Variants in NRIP1 observed in about 807,000 individuals in gnomAD.
The protein encoded by NRIP1 is nuclear receptor-interacting protein 1.
In NRIP1, 28 loss-of-function variants were observed where a neutral mutation model predicts 75.0. The ratio of observed to expected loss-of-function variants is 0.37; its 90% CI spans 0.28 to 0.51. NRIP1 has a LOEUF of 0.51. NRIP1 is among the 20% of genes least tolerant of loss of function. NRIP1 has a pLI of 0.92. For missense variants in NRIP1, 1,435 were observed against 1,343.7 expected (o/e 1.07, Z -1.06); for synonymous variants, 526 against 487.6 (o/e 1.08, Z -1.04).
At chr21:15,000,062 T>C (rs996781560) in intron 3 of NRIP1, among the ~76,000 whole-genome samples, 1 of 152,112 alleles carries the variant, frequency 6.6e-6, no homozygotes, top group Non-Finnish European at 1.5e-5. Context: ...GGGGAAAGAA[T>C]AGAGGCAATT....
intron 1 of NRIP1, among the ~76,000 whole-genome samples, chr21:15,058,017 A>G (rs1209305791): frequency 6.6e-6 from 1 of 152,200 alleles, no homozygotes; most frequent in East Asian, 1.9e-4. Flanking sequence ...TCTTCTTTTA[A>G]AACCACAGGC....
intron 1 of NRIP1, among the ~76,000 whole-genome samples, chr21:15,049,765 A>G (rs2089163329): frequency 6.6e-6 from 1 of 151,878 alleles, no homozygotes; most frequent in Non-Finnish European, 1.5e-5. Context: ...TGATTTAATG[A>G]AAAAAAAGCT....
At chr21:15,012,959 C>T (rs772763468) in intron 3 of NRIP1, among the ~76,000 whole-genome samples, 2 of 151,892 alleles carry the variant, frequency 1.3e-5, no homozygotes, top group East Asian at 1.9e-4. Context: ...TATCTTGTGG[C>T]GGGGCGGTCA....
chr21:14,975,308 C>T (rs1298784194), intron 3 of NRIP1, among the ~76,000 whole-genome samples: 1 of 152,078 alleles, frequency 6.6e-6, no homozygotes, highest in African/African-American at 2.4e-5. Flanking sequence ...CAACTTTCCT[C>T]TTTGACATTA....
chr21:15,054,123 T>G (rs952983340), intron 1 of NRIP1, among the ~76,000 whole-genome samples: 10 of 152,220 alleles, frequency 6.6e-5, no homozygotes, highest in African/African-American at 2.4e-4. Flanking sequence ...AAAACATAGA[T>G]GGGCTTCATA....
At chr21:14,983,762 C>T (rs905827216) in intron 3 of NRIP1, among the ~76,000 whole-genome samples, 1 of 152,086 alleles carries the variant, frequency 6.6e-6, no homozygotes. Flanking sequence ...AATCCTAAAC[C>T]CTTAAAAATG....
chr21:15,005,737 T>A (rs372370950), intron 3 of NRIP1, among the ~76,000 whole-genome samples: 1 of 152,150 alleles, frequency 6.6e-6, no homozygotes, highest in Non-Finnish European at 1.5e-5. Context: ...CCAAGCAGAA[T>A]AGAACAAACC....
At chr21:14,988,470 T>G (rs182195180) in intron 3 of NRIP1, among the ~76,000 whole-genome samples, 1 of 148,278 alleles carries the variant, frequency 6.7e-6, no homozygotes, top group African/African-American at 2.5e-5. Context: ...GACAGATAGA[T>G]AGATAATATA....
At chr21:14,987,322 G>T (rs74321345) in intron 3 of NRIP1, among the ~76,000 whole-genome samples, 2 of 152,112 alleles carry the variant, frequency 1.3e-5, no homozygotes, top group Non-Finnish European at 2.9e-5. Flanking sequence ...AGTTCCTTGC[G>T]TAACTCCAAC....
At position 15,052,978 on chromosome 21, in the gene NRIP1, T is replaced by C. The variant is rs1030003680; in HGVS notation, c.-537-9404A>G. Among the ~76,000 whole-genome samples the C allele has an allele frequency of 3.3e-5, 5 of 152,350 alleles. No individual in the cohort carries two copies. In the East Asian group the frequency reaches 7.7e-4, roughly 23 times the overall value. ...AGAAATCCATATTAATTTTAGATTT[T>C]CAAAAGATTTAAAGTCAGATTTTAA... On this transcript the variant is annotated intron_variant, in intron 1 of 3. Coordinates refer to ENST00000318948, the MANE Select transcript of NRIP1 (RefSeq NM_003489.4).
At chr21:15,007,225 G>A (rs575952620) in intron 3 of NRIP1, among the ~76,000 whole-genome samples, 1 of 152,322 alleles carries the variant, frequency 6.6e-6, no homozygotes, top group African/African-American at 2.4e-5. Context: ...GAAGCTATGG[G>A]AGTTGTTGAT....
At chr21:14,996,349 C>A (rs143336467) in intron 3 of NRIP1, among the ~76,000 whole-genome samples, 216 of 152,198 alleles carry the variant, frequency 1.4e-3, no homozygotes, top group African/African-American at 5.0e-3. Context: ...TTCTCTGGAT[C>A]CCAGAACACC....
At chr21:14,970,507 C>T (rs755026250) in intron 3 of NRIP1, among the ~76,000 whole-genome samples, 1 of 152,204 alleles carries the variant, frequency 6.6e-6, no homozygotes, top group Non-Finnish European at 1.5e-5. Flanking sequence ...GATCGTGCCA[C>T]TGCACTCCAG....
chr21:15,055,063 CTT>C (rs2089277461), intron 1 of NRIP1, among the ~76,000 whole-genome samples: 1 of 152,214 alleles, frequency 6.6e-6, no homozygotes, highest in Non-Finnish European at 1.5e-5. Context: ...CTCTTGCTCT[CTT>C]TTCTAGGGGT....
In NRIP1 at chr21:14,967,504, A is replaced by G; in HGVS notation, c.689T>C (p.Met230Thr). 1 of 1,614,142 alleles carries G rather than the reference A, an allele frequency of 6.2e-7. No individual in the cohort carries two copies. Among genetic ancestry groups the G allele is most frequent in the South Asian group, 1.1e-5 (1 of 91,080 alleles). The change falls in exon 4 of 4, where the codon ATG becomes ACG. Residue 230 changes from methionine (M) to threonine (T), a missense_variant. Met to Thr is a moderately conservative substitution (Grantham distance 81). Transcript: ENST00000318948. ...TGCAGCACATGACAACGGTTCACTC[A>G]TGACCTTTGTTCCACTTTGTCCAAC... ...HHVGQSGTKV[M>T]SEPLSCAARL...
chr21:15,009,984 A>G (rs1014470678), intron 3 of NRIP1, among the ~76,000 whole-genome samples: 4 of 152,164 alleles, frequency 2.6e-5, no homozygotes, highest in Non-Finnish European at 5.9e-5. Flanking sequence ...GGTGGGGAGG[A>G]GGTGCAGAGA....
At chr21:15,020,448 A>G (rs898476532) in intron 2 of NRIP1, among the ~76,000 whole-genome samples, 2 of 152,218 alleles carry the variant, frequency 1.3e-5, no homozygotes, top group Non-Finnish European at 2.9e-5. Context: ...ATAACTAAAA[A>G]TGGATTATAG....
intron 3 of NRIP1, among the ~76,000 whole-genome samples, chr21:14,982,708 GTTTT>G (rs200186916): frequency 2.3e-5 from 2 of 85,678 alleles, no homozygotes; most frequent in Admixed American, 2.8e-4. Context: ...GTTTTTTTTT[GTTTT>G]TTTTTTGTTT....
At chr21:14,986,454 C>A (rs1372192089) in intron 3 of NRIP1, among the ~76,000 whole-genome samples, 1 of 152,168 alleles carries the variant, frequency 6.6e-6, no homozygotes, top group African/African-American at 2.4e-5. Context: ...AAAATCAAGA[C>A]AAATCACTCC....
Sources: gnomAD v4.1 joint callset for allele counts (sites outside exome capture counted in the v4.1 genomes callset) on GRCh38, gnomAD v4.1.1 for gene constraint, MANE v1.5 for transcripts, NCBI Gene and HGNC (gene_info 2026-07-23, HGNC 2026-07-21) for gene names.